Variants in CELF2 observed in about 807,000 individuals in gnomAD.
CELF2 encodes the protein CUGBP Elav-like family member 2, also known as CUG triplet repeat RNA-binding protein 2.
CELF2 carries 8 observed loss-of-function variants against 62.6 expected under a neutral mutation model. The ratio of observed to expected loss-of-function variants is 0.13; its 90% CI spans 0.07 to 0.23. The LOEUF (loss-of-function observed/expected upper bound fraction) is 0.23, where lower values mean the gene tolerates loss of function less well. CELF2 is among the 10% of genes least tolerant of loss of function. The pLI is 1.00. For missense variants in CELF2, 333 were observed against 671.0 expected, an observed-to-expected ratio of 0.50 and a Z score of 5.56; for synonymous variants, 258 against 250.0, an observed-to-expected ratio of 1.03 and a Z score of -0.30.
chr10:10,617,413 A>G, the CELF2 span, among the ~76,000 whole-genome samples: 1 of 152,150 alleles, frequency 6.6e-6, no homozygotes, highest in East Asian at 1.9e-4. Context: ...ATTAAATGCT[A>G]ACCTAAGGTT....
intron 1 of CELF2, among the ~76,000 whole-genome samples, chr10:11,053,021 A>G (rs2064266025): frequency 6.6e-6 from 1 of 151,886 alleles, no homozygotes; most frequent in African/African-American, 2.4e-5. Flanking sequence ...TTTCTTCTTT[A>G]ATCTTGTAGT....
chr10:11,124,635 C>T (rs2058357050), intron 1 of CELF2, among the ~76,000 whole-genome samples: 1 of 152,190 alleles, frequency 6.6e-6, no homozygotes, highest in Admixed American at 6.5e-5. Flanking sequence ...ATTCAAGCAT[C>T]TGTCCCACAT....
At chr10:11,235,839 A>G (rs902139365) in intron 3 of CELF2, among the ~76,000 whole-genome samples, 2 of 152,188 alleles carry the variant, frequency 1.3e-5, no homozygotes, top group African/African-American at 4.8e-5. Context: ...TTGTTTGTTT[A>G]AAAGGAAAAA....
the CELF2 span, among the ~76,000 whole-genome samples, chr10:10,718,579 G>A: frequency 1.4e-5 from 2 of 147,348 alleles, no homozygotes; most frequent in East Asian, 2.0e-4. Context: ...GGCCAAGATC[G>A]CGCCACTGCA....
intron 2 of CELF2, among the ~76,000 whole-genome samples, chr10:11,210,306 A>G (rs1468843355): frequency 6.6e-6 from 1 of 152,206 alleles, no homozygotes; most frequent in Non-Finnish European, 1.5e-5. Context: ...AGGTTTTCAT[A>G]TATGTAAGAT....
chr10:11,276,345 G>A (rs951604946), intron 8 of CELF2, among the ~76,000 whole-genome samples: 2 of 152,122 alleles, frequency 1.3e-5, no homozygotes, highest in African/African-American at 2.4e-5. Context: ...CTGCCACCTG[G>A]TTCCGTTGTA....
upstream of CELF2, among the ~76,000 whole-genome samples, chr10:11,003,077 C>T (rs1055959669): frequency 2.0e-5 from 3 of 152,210 alleles, no homozygotes; most frequent in Admixed American, 2.0e-4. The surrounding 1 kb of genome is among the most constrained non-coding windows in gnomAD (Gnocchi z 4.4). Context: ...ATTTACTCAT[C>T]TTTATAACCC....
chr10:10,538,833 C>T, the CELF2 span, among the ~76,000 whole-genome samples: 524 of 152,326 alleles, frequency 3.4e-3, 2 homozygotes, highest in Non-Finnish European at 5.9e-3. Flanking sequence ...GAAGGAACCA[C>T]GTTTTTCTCT....
At chr10:11,069,649 G>C (rs1326353664) in intron 1 of CELF2, among the ~76,000 whole-genome samples, 1 of 152,196 alleles carries the variant, frequency 6.6e-6, no homozygotes, top group African/African-American at 2.4e-5. Context: ...ACAAATGCAG[G>C]TGTGTATACA....
rs377371753 is a variant in CELF2 at position 11,283,678 on chromosome 10, TGATG to T, written c.842-4726_842-4723del. On this transcript the variant is annotated intron_variant, in intron 8 of 12. Coordinates refer to ENST00000633077, the MANE Select transcript of CELF2 (RefSeq NM_001326342.2). The stretch of plus-strand genomic sequence containing the variant: ...GATGGGTGGATAATGGGTGGGTGGA[TGATG>T]GATGGATGGATGGGTGGGTCAAATA... 2.7e-5 allele frequency among the ~76,000 whole-genome samples: 4 copies of T among 150,606 alleles called. No homozygotes were observed. The South Asian group carries it at 8.4e-4, about 32-fold the overall frequency.
chr10:10,576,242 G>C, the CELF2 span, among the ~76,000 whole-genome samples: 1 of 152,180 alleles, frequency 6.6e-6, no homozygotes, highest in Non-Finnish European at 1.5e-5. Context: ...AAAGAACTGC[G>C]AAGAGCTGAG....
the CELF2 span, among the ~76,000 whole-genome samples, chr10:10,649,220 A>G: frequency 6.6e-6 from 1 of 152,332 alleles, no homozygotes; most frequent in Non-Finnish European, 1.5e-5. Flanking sequence ...TGTTATCTAA[A>G]TGATCTCATA....
At position 11,321,600 on chromosome 10, in the gene CELF2, C is replaced by T. The variant is rs962121048; in HGVS notation, c.1294+214C>T. Among the ~76,000 whole-genome samples the T allele has an allele frequency of 2.0e-5, 3 of 151,972 alleles. No homozygotes were observed. Among genetic ancestry groups the T allele is most frequent in the South Asian group, 2.1e-4 (1 of 4,828 alleles). ...ACTTGGCAGGTTGAGATGGGAGGAT[C>T]GCTTGAGCCCAGGAGCTGAGGCTGC... is the stretch of plus-strand genomic sequence containing the variant. On this transcript the variant is annotated intron_variant, in intron 11 of 12. Transcript: ENST00000633077. This position sits in a 1 kb window ranked among gnomAD's most constrained non-coding sequence, Gnocchi z 6.2.
intron 2 of CELF2, among the ~76,000 whole-genome samples, chr10:10,978,826 A>C (rs1400548430): frequency 1.3e-5 from 2 of 152,246 alleles, no homozygotes; most frequent in African/African-American, 4.8e-5. Flanking sequence ...TATCAGTATT[A>C]CTGATGAATA....
rs369495917 is a variant in CELF2 at position 11,314,140 on chromosome 10, G to A, written c.978G>A (p.Val326=). 1 of 1,586,982 alleles carries A rather than the reference G, an allele frequency of 6.3e-7. No homozygotes were observed. Among genetic ancestry groups the A allele is most frequent in the Non-Finnish European group, 8.6e-7 (1 of 1,163,070 alleles). ...SSALGALTSP[V]AASTPNSTAG... ...TTGTCTCTGTTTTCCTTTTTTCAGT[G>A]GCTGCTTCAACCCCCAACTCCACTG... The change falls in exon 10 of 13, where the codon GTG becomes GTA. Residue 326 remains valine, a splice_region_variant and synonymous_variant. Transcript: ENST00000633077. This position sits in a 1 kb window ranked among gnomAD's most constrained non-coding sequence, Gnocchi z 5.3.
intron 2 of CELF2, among the ~76,000 whole-genome samples, chr10:10,992,691 G>A (rs1168138028): frequency 6.6e-6 from 1 of 152,140 alleles, no homozygotes; most frequent in Non-Finnish European, 1.5e-5. Flanking sequence ...AATAGATGAT[G>A]GATATATAGG....
At chr10:10,596,029 T>C in the CELF2 span, among the ~76,000 whole-genome samples, 1 of 152,222 alleles carries the variant, frequency 6.6e-6, no homozygotes, top group Non-Finnish European at 1.5e-5. Context: ...GCTGTTTTCT[T>C]CTGCCCTGCC....
At chr10:10,493,387 C>A in the CELF2 span, among the ~76,000 whole-genome samples, 6 of 151,950 alleles carry the variant, frequency 3.9e-5, no homozygotes, top group Non-Finnish European at 5.9e-5. Context: ...TATTAATGTA[C>A]TTCATGCCAC....
the CELF2 span, among the ~76,000 whole-genome samples, chr10:10,675,942 C>T: frequency 2.6e-5 from 4 of 152,180 alleles, no homozygotes; most frequent in Admixed American, 1.3e-4. Context: ...ATTCCAACTT[C>T]CCAGTATGTT....
Sources: allele counts gnomAD v4.1 joint callset (sites outside exome capture counted in the v4.1 genomes callset), GRCh38; gene constraint gnomAD v4.1.1; non-coding constraint Gnocchi (gnomAD v3.1); transcripts MANE v1.5; gene names NCBI Gene and HGNC (gene_info 2026-07-23, HGNC 2026-07-21).